PDZD2: variants seen among roughly 807,000 people sequenced by gnomAD.
The protein encoded by PDZD2 is PDZ domain-containing protein 2.
In PDZD2, 90 loss-of-function variants were observed where a neutral mutation model predicts 220.7. The observed-to-expected ratio is 0.41, with a 90% CI of 0.34 to 0.49. The LOEUF (loss-of-function observed/expected upper bound fraction) is 0.49, where lower values mean the gene tolerates loss of function less well. PDZD2 is among the 20% of genes least tolerant of loss of function. The pLI is 0.28. For missense variants in PDZD2, 3,174 were observed against 3,608.5 expected, an observed-to-expected ratio of 0.88 and a Z score of 3.08; for synonymous variants, 1,375 against 1,450.5, an observed-to-expected ratio of 0.95 and a Z score of 1.18.
chr5:31,665,130 G>A (rs566294737), intron 1 of PDZD2: 13 of 152,332 alleles, frequency 8.5e-5, no homozygotes, highest in Admixed American at 5.2e-4. Flanking sequence ...CCACCCAGGC[G>A]GGTAAGAGAG....
chr5:31,874,083 G>T (rs2150327345), intron 2 of PDZD2, among the ~76,000 whole-genome samples: 1 of 152,244 alleles, frequency 6.6e-6, no homozygotes, highest in South Asian at 2.1e-4. Context: ...CTCAGGCAGG[G>T]TTTCTACATG....
intron 1 of PDZD2, among the ~76,000 whole-genome samples, chr5:31,726,968 C>A (rs765110952): frequency 3.3e-5 from 5 of 152,114 alleles, no homozygotes; most frequent in Non-Finnish European, 7.3e-5. Flanking sequence ...TTACTCATGG[C>A]AGAAGGTGAA....
chr5:31,651,310 T>C (rs1366180412), intron 1 of PDZD2, among the ~76,000 whole-genome samples: 1 of 152,236 alleles, frequency 6.6e-6, no homozygotes, highest in Admixed American at 6.5e-5. Flanking sequence ...TGATGTATCA[T>C]GCACTTCACC....
At chr5:31,787,558 T>A (rs1337136753) in intron 1 of PDZD2, 4 of 152,200 alleles carry the variant, frequency 2.6e-5, no homozygotes, top group Non-Finnish European at 5.9e-5. Context: ...TATCTTCAGG[T>A]AATAGAGTCT....
At chr5:31,887,876 G>C (rs140570238) in intron 2 of PDZD2, among the ~76,000 whole-genome samples, 1 of 151,770 alleles carries the variant, frequency 6.6e-6, no homozygotes, top group Admixed American at 6.6e-5. Flanking sequence ...ATTGGTCTGT[G>C]GGGGGACAGT....
intron 6 of PDZD2, among the ~76,000 whole-genome samples, chr5:32,033,016 T>C (rs1755243899): frequency 1.3e-5 from 2 of 152,242 alleles, no homozygotes; most frequent in Admixed American, 6.5e-5. Context: ...TCCATTAATA[T>C]AATGGGATTG....
At position 31,740,291 on chromosome 5, in the gene PDZD2, C is replaced by T. The variant is rs187723302; in HGVS notation, c.-360-58598C>T. On this transcript the variant is annotated intron_variant, in intron 1 of 24. Transcript: ENST00000438447. Reference sequence around the variant, plus strand: ...ATCCCAGCACTTTGGGAGGCCGAGGCGGGCAGATCACAAGGTTAGGAGATC... The same window carrying T: ...ATCCCAGCACTTTGGGAGGCCGAGGTGGGCAGATCACAAGGTTAGGAGATC... Among the ~76,000 whole-genome samples, 360 of 151,470 alleles carry T rather than the reference C, an allele frequency of 2.4e-3. 2 individuals are homozygous for T. The highest frequency in any genetic ancestry group is 8.2e-3 in the African/African-American group (340 of 41,280).
chr5:31,971,894 C>T (rs1377221443), intron 2 of PDZD2, among the ~76,000 whole-genome samples: 1 of 152,222 alleles, frequency 6.6e-6, no homozygotes, highest in African/African-American at 2.4e-5. Flanking sequence ...CCACAAAGGC[C>T]TCCTTGCTGT....
chr5:31,709,945 G>T (rs1477174176), intron 1 of PDZD2, among the ~76,000 whole-genome samples: 1 of 152,210 alleles, frequency 6.6e-6, no homozygotes, highest in Non-Finnish European at 1.5e-5. Context: ...AACAGAGTGA[G>T]ACTCCATCTC....
chr5:31,976,714 CTTTTTTTT>C (rs869280921), intron 2 of PDZD2, among the ~76,000 whole-genome samples: 2 of 99,720 alleles, frequency 2.0e-5, no homozygotes, highest in African/African-American at 3.7e-5. Flanking sequence ...TTTCTTCTTT[CTTTTTTTT>C]TTTTTTTTTT....
chr5:31,646,749 TA>T lies in PDZD2; in HGVS notation c.-361+7313del, dbSNP rs1044995679. Among the ~76,000 whole-genome samples, 5 of 152,144 alleles carry T rather than the reference TA, an allele frequency of 3.3e-5. No homozygotes were observed. Among genetic ancestry groups the T allele is most frequent in the Admixed American group, 2.0e-4 (3 of 15,270 alleles). On this transcript the variant is annotated intron_variant, in intron 1 of 24. Coordinates refer to ENST00000438447, the MANE Select transcript of PDZD2 (RefSeq NM_178140.4). This position sits in a 1 kb window ranked among gnomAD's most constrained non-coding sequence, Gnocchi z 4.7. ...AATATTATTACAAAACCACTCAGCA[TA>T]CAAAATTGGCATAGCTTTCCTCCAC...
chr5:31,989,420 T>TTTTTTTTTTTTTTTTTTTTTTATTTA (rs1561277778), intron 3 of PDZD2, among the ~76,000 whole-genome samples: 1 of 136,800 alleles, frequency 7.3e-6, no homozygotes, highest in Non-Finnish European at 1.5e-5. Context: ...CATTTTCTTT[T>TTTTTTTTTTTTTTTTTTTTTTATTTA]CTTTTTTTTT....
chr5:31,793,392 T>C (rs2150223018), intron 1 of PDZD2, among the ~76,000 whole-genome samples: 1 of 152,272 alleles, frequency 6.6e-6, no homozygotes, highest in Non-Finnish European at 1.5e-5. Flanking sequence ...CCCAGGGCCT[T>C]TGCACCTGCA....
chr5:31,928,224 TG>T (rs1744959835), intron 2 of PDZD2, among the ~76,000 whole-genome samples: 1 of 152,126 alleles, frequency 6.6e-6, no homozygotes, highest in Non-Finnish European at 1.5e-5. Flanking sequence ...TATAAAAAGA[TG>T]GGGTGGGAAC....
chr5:31,883,839 C>T (rs559262848), intron 2 of PDZD2, among the ~76,000 whole-genome samples: 3 of 152,064 alleles, frequency 2.0e-5, no homozygotes, highest in Non-Finnish European at 4.4e-5. Context: ...TGGCTTCAAC[C>T]GATCTGCCTA....
At chr5:31,822,879 C>T (rs1580827065) in intron 2 of PDZD2, 3 of 793,210 alleles carry the variant, frequency 3.8e-6, no homozygotes, top group African/African-American at 3.4e-5. Context: ...AACGGAAGCC[C>T]AGTGTGACAC....
At chr5:31,703,407 A>G (rs1170836108) in intron 1 of PDZD2, among the ~76,000 whole-genome samples, 1 of 152,150 alleles carries the variant, frequency 6.6e-6, no homozygotes, top group Non-Finnish European at 1.5e-5. Flanking sequence ...GTTCTCACTA[A>G]TAAGTGGGAG....
chr5:31,744,549 T>C (rs1750469217), intron 1 of PDZD2: 2 of 152,106 alleles, frequency 1.3e-5, no homozygotes, highest in Admixed American at 6.6e-5. Context: ...TGACATGTAT[T>C]CTCCAATATT....
At chr5:31,834,900 G>GTA (rs1371101478) in intron 2 of PDZD2, among the ~76,000 whole-genome samples, 17 of 146,834 alleles carry the variant, frequency 1.2e-4, no homozygotes, top group Non-Finnish European at 1.6e-4. Context: ...ATATATATTT[G>GTA]TATATATATA....
Sources: gnomAD v4.1 joint callset for allele counts (sites outside exome capture counted in the v4.1 genomes callset) on GRCh38, gnomAD v4.1.1 for gene constraint, Gnocchi (gnomAD v3.1) non-coding constraint, MANE v1.5 for transcripts, NCBI Gene and HGNC (gene_info 2026-07-23, HGNC 2026-07-21) for gene names.